RNLS: variants seen among roughly 807,000 people sequenced by gnomAD.
RNLS encodes renalase, FAD dependent amine oxidase.
Under a neutral mutation model 39.8 loss-of-function variants are expected in RNLS, and 39 were observed. The ratio of observed to expected loss-of-function variants is 0.98; its 90% CI spans 0.76 to 1.28. The LOEUF (loss-of-function observed/expected upper bound fraction) is 1.28. Ranked by LOEUF, RNLS falls within the 50% of genes most tolerant of loss-of-function variation. The pLI is 0.00. For missense variants in RNLS, 410 were observed against 413.3 expected, an observed-to-expected ratio of 0.99 and a Z score of 0.07; for synonymous variants, 147 against 150.7, an observed-to-expected ratio of 0.98 and a Z score of 0.18.
chr10:88,534,378 G>A (rs1443196475), intron 4 of RNLS, among the ~76,000 whole-genome samples: 15 of 152,086 alleles, frequency 9.9e-5, no homozygotes, highest in Non-Finnish European at 2.2e-4. Context: ...TAAAATAGGA[G>A]ACAGCAGAGG....
chr10:88,577,385 AC>A (rs1554937020), intron 3 of RNLS, among the ~76,000 whole-genome samples: 1 of 152,214 alleles, frequency 6.6e-6, no homozygotes, highest in Non-Finnish European at 1.5e-5. Flanking sequence ...ATAGAAAAAA[AC>A]AACATGATTA....
chr10:88,275,096 G>T, intron 6 of RNLS: 1 of 1,137,956 alleles, frequency 8.8e-7, no homozygotes, highest in Non-Finnish European at 1.3e-6. Context: ...CTGACACCTT[G>T]TCTACACTAA....
At chr10:88,399,774 A>G (rs572004549) in intron 4 of RNLS, among the ~76,000 whole-genome samples, 3 of 152,154 alleles carry the variant, frequency 2.0e-5, no homozygotes, top group South Asian at 4.1e-4. Context: ...AAAAAGGACA[A>G]TGGGTTGGTA....
chr10:88,400,252 A>G (rs1852829302), intron 4 of RNLS, among the ~76,000 whole-genome samples: 1 of 151,982 alleles, frequency 6.6e-6, no homozygotes, highest in African/African-American at 2.4e-5. Flanking sequence ...GTTTCATAGG[A>G]TTGAAAATTA....
At chr10:88,329,674 T>C (rs990027100) in intron 5 of RNLS, among the ~76,000 whole-genome samples, 4 of 152,154 alleles carry the variant, frequency 2.6e-5, no homozygotes, top group African/African-American at 4.8e-5. Flanking sequence ...CATATTTTGA[T>C]CTATTTTCAG....
intron 4 of RNLS, among the ~76,000 whole-genome samples, chr10:88,375,329 T>C (rs557931952): frequency 4.2e-4 from 64 of 152,302 alleles, no homozygotes; most frequent in Non-Finnish European, 6.0e-4. Flanking sequence ...TAAAGGACTA[T>C]GAACTAGTAA....
At chr10:88,462,275 A>C (rs1215502910) in intron 4 of RNLS, among the ~76,000 whole-genome samples, 1 of 152,070 alleles carries the variant, frequency 6.6e-6, no homozygotes, top group Admixed American at 6.6e-5. Flanking sequence ...AGATATTTTG[A>C]TACAAGTATG....
At chr10:88,460,515 C>T (rs1396884271) in intron 4 of RNLS, among the ~76,000 whole-genome samples, 1 of 152,060 alleles carries the variant, frequency 6.6e-6, no homozygotes, top group Non-Finnish European at 1.5e-5. Flanking sequence ...TCCCGTTTAT[C>T]ACCTTAATAG....
Position 88,504,709 on chromosome 10 carries a change from T to C in RNLS, c.526+68194A>G, listed in dbSNP as rs149717486. Among the ~76,000 whole-genome samples, 423 of 152,252 alleles carry C rather than the reference T, an allele frequency of 2.8e-3. 5 individuals are homozygous for C. Among genetic ancestry groups the C allele is most frequent in the Non-Finnish European group, 1.4e-3 (94 of 68,010 alleles). On this transcript the variant is annotated intron_variant, in intron 4 of 6. Transcript: ENST00000331772. Reference sequence around the variant, plus strand: ...TTCAGCACTCAGACTGTATACACTCTACTAAATTCGAAGAACAATAATTGT... The same window carrying C: ...TTCAGCACTCAGACTGTATACACTCCACTAAATTCGAAGAACAATAATTGT...
intron 4 of RNLS, among the ~76,000 whole-genome samples, chr10:88,560,133 C>T (rs982029045): frequency 2.0e-5 from 3 of 151,694 alleles, no homozygotes; most frequent in Admixed American, 1.3e-4. Flanking sequence ...TGGTTTTGAG[C>T]TGAGGTTGAA....
At chr10:88,281,998 G>A (rs1324842752), downstream of RNLS, among the ~76,000 whole-genome samples, 7 of 152,214 alleles carry the variant, frequency 4.6e-5, 1 homozygote, top group South Asian at 1.0e-3. Context: ...ATGAACGCAC[G>A]GTGAGTCTGT....
At chr10:88,222,979 C>A in the RNLS span, among the ~76,000 whole-genome samples, 1 of 152,224 alleles carries the variant, frequency 6.6e-6, no homozygotes. Flanking sequence ...TGTGAGAGCA[C>A]ATTTTTATTT....
intron 5 of RNLS, among the ~76,000 whole-genome samples, chr10:88,315,787 T>C (rs974066492): frequency 1.3e-5 from 2 of 152,032 alleles, no homozygotes; most frequent in African/African-American, 4.8e-5. Flanking sequence ...CACTTTTTTT[T>C]TTTAATGAGA....
At chr10:88,459,129 G>T (rs1187881949) in intron 4 of RNLS, among the ~76,000 whole-genome samples, 13 of 151,020 alleles carry the variant, frequency 8.6e-5, no homozygotes, top group African/African-American at 2.9e-4. Context: ...ATGGTAAAGA[G>T]GTAGCAAGGA....
chr10:88,441,400 A>G (rs535419048), intron 4 of RNLS, among the ~76,000 whole-genome samples: 2 of 152,336 alleles, frequency 1.3e-5, no homozygotes, highest in African/African-American at 4.8e-5. Flanking sequence ...AGAGGAACAC[A>G]TTATTGTGCT....
intron 4 of RNLS, among the ~76,000 whole-genome samples, chr10:88,413,113 G>A (rs1327167637): frequency 1.3e-5 from 2 of 152,138 alleles, no homozygotes; most frequent in African/African-American, 4.8e-5. Flanking sequence ...AATGCATCGA[G>A]GTGGAGGGTT....
chr10:88,219,732 A>G, the RNLS span, among the ~76,000 whole-genome samples: 7 of 152,238 alleles, frequency 4.6e-5, no homozygotes, highest in Non-Finnish European at 8.8e-5. Flanking sequence ...ACTCTAATTT[A>G]CCATTCAGTG....
the RNLS span, among the ~76,000 whole-genome samples, chr10:88,230,171 T>A: frequency 6.6e-6 from 1 of 152,186 alleles, no homozygotes; most frequent in South Asian, 2.1e-4. Context: ...TGAACAAAAC[T>A]GGATTTCTGT....
At chr10:88,490,545 T>C (rs1168762887) in intron 4 of RNLS, among the ~76,000 whole-genome samples, 1 of 152,178 alleles carries the variant, frequency 6.6e-6, no homozygotes, top group Non-Finnish European at 1.5e-5. Flanking sequence ...AAGCATACAT[T>C]TTGCAGGAGT....
Sources: allele counts gnomAD v4.1 joint callset (sites outside exome capture counted in the v4.1 genomes callset), GRCh38; gene constraint gnomAD v4.1.1; transcripts MANE v1.5; gene names NCBI Gene and HGNC (gene_info 2026-07-23, HGNC 2026-07-21).